HYDIN: variants seen among roughly 807,000 people sequenced by gnomAD.
HYDIN encodes axonemal central pair apparatus protein HYDIN.
In HYDIN, 132 loss-of-function variants were observed where a neutral mutation model predicts 403.9. The observed-to-expected ratio is 0.33, with a 90% CI of 0.28 to 0.38. HYDIN has a LOEUF of 0.38. HYDIN is among the 10% of genes least tolerant of loss of function. HYDIN has a pLI of 1.00. For synonymous variants in HYDIN, 1,202 were observed against 1,891.7 expected, an observed-to-expected ratio of 0.64 and a Z score of 9.46; for missense variants, 2,827 against 5,009.5, an observed-to-expected ratio of 0.56 and a Z score of 13.15.
At chr16:71,019,537 C>T (rs1462867136) in intron 22 of HYDIN, among the ~76,000 whole-genome samples, 1 of 152,300 alleles carries the variant, frequency 6.6e-6, no homozygotes, top group Non-Finnish European at 1.5e-5. Context: ...TAAGTTAGGA[C>T]CCACCCTTGT....
At chr16:70,902,827 T>A (rs866323192) in intron 52 of HYDIN, among the ~76,000 whole-genome samples, 4,449 of 110,914 alleles carry the variant, frequency 0.04, 53 homozygotes, top group Non-Finnish European at 0.055. Flanking sequence ...ATATATTTTT[T>A]TTTTTTTTTT....
intron 39 of HYDIN, 34 bp from the exon 40 acceptor site, chr16:70,955,582 T>C: frequency 1.1e-6 from 1 of 921,802 alleles, no homozygotes; most frequent in Non-Finnish European, 1.7e-6. Flanking sequence ...AATTTCACGG[T>C]GCTCATTTGC....
intron 23 of HYDIN, among the ~76,000 whole-genome samples, chr16:70,993,154 G>T (rs1334614000): frequency 6.6e-6 from 1 of 152,120 alleles, no homozygotes; most frequent in African/African-American, 2.4e-5. Flanking sequence ...CATTTCATCT[G>T]CACTTCTTTT....
At chr16:71,047,962 ATC>A (rs1164599686) in intron 18 of HYDIN, among the ~76,000 whole-genome samples, 1 of 151,074 alleles carries the variant, frequency 6.6e-6, no homozygotes, top group Non-Finnish European at 1.5e-5. Context: ...GTAATTTTGT[ATC>A]TGTTAACCAA....
chr16:70,831,527 AC>A (rs144160750), intron 80 of HYDIN, among the ~76,000 whole-genome samples: 8 of 137,278 alleles, frequency 5.8e-5, no homozygotes, highest in Middle Eastern at 3.7e-3. Context: ...AAAAAAAAAA[AC>A]CAAAAAAAAA....
intron 71 of HYDIN, among the ~76,000 whole-genome samples, chr16:70,859,022 T>C (rs910165621): frequency 5.5e-4 from 83 of 150,638 alleles, no homozygotes; most frequent in Admixed American, 2.8e-3. Context: ...GGAATTTTGG[T>C]CAGGCGCAGT....
At chr16:71,210,346 A>T (rs2088517793) in intron 1 of HYDIN, among the ~76,000 whole-genome samples, 1 of 152,242 alleles carries the variant, frequency 6.6e-6, no homozygotes. Context: ...GAATGAGATC[A>T]TGTCCTTTGC....
At chr16:71,064,054 T>C (rs529994165) in intron 16 of HYDIN, among the ~76,000 whole-genome samples, 1 of 129,310 alleles carries the variant, frequency 7.7e-6, no homozygotes, top group African/African-American at 2.6e-5. Context: ...TGCATATATT[T>C]TAGTTAGAAT....
chr16:71,027,707 G>C lies in HYDIN; in HGVS notation c.2937C>G (p.Pro979=). Residue 979 remains proline, a synonymous_variant, in exon 20 of 86, where the codon CCC becomes CCG. Coordinates refer to ENST00000393567, the MANE Select transcript of HYDIN (RefSeq NM_001270974.2). ...VQPQPSGSQE[P]RDPQSPVFHL... The stretch of plus-strand genomic sequence containing the variant: ...GAAACACGGGGCTCTGTGGATCCCT[G>C]GGCTCCTGAGAGCCACTGGGCTGGG... 1 of 1,570,936 alleles carries C rather than the reference G, an allele frequency of 6.4e-7. No homozygotes were observed. Among genetic ancestry groups the C allele is most frequent in the Non-Finnish European group, 8.7e-7 (1 of 1,151,748 alleles).
At position 70,860,164 on chromosome 16, in the gene HYDIN, G is replaced by T; in HGVS notation, c.12033C>A (p.Phe4011Leu). 1.2e-6 allele frequency: 2 copies of T among 1,614,094 alleles called. No individual in the cohort carries two copies. The highest frequency in any genetic ancestry group is 4.5e-5 in the East Asian group (2 of 44,886). ...TTTCAATTTCTTCAGAGATCCAGCA[G>T]AAGGAGTAGGTGCTATTGGTTGGGT... ...ILNPTNSTYS[F>L]CWISEEIESL... Residue 4011 changes from phenylalanine to leucine, a missense_variant, in exon 71 of 86, where the codon TTC (phenylalanine) becomes TTA (leucine). By Grantham distance (22) the Phe-to-Leu change is conservative (BLOSUM62 0). Coordinates refer to ENST00000393567, the MANE Select transcript of HYDIN (RefSeq NM_001270974.2).
intron 1 of HYDIN, among the ~76,000 whole-genome samples, chr16:71,209,065 T>C (rs759670020): frequency 6.6e-6 from 1 of 151,856 alleles, no homozygotes; most frequent in Non-Finnish European, 1.5e-5. Context: ...ATCATCCTGA[T>C]ACCAAAACAT....
At chr16:70,810,783 T>C (rs1191889928) in intron 84 of HYDIN, among the ~76,000 whole-genome samples, 1 of 151,928 alleles carries the variant, frequency 6.6e-6, no homozygotes, top group East Asian at 1.9e-4. Context: ...TGAGCCAAGA[T>C]CGTGTCACTC....
intron 18 of HYDIN, among the ~76,000 whole-genome samples, chr16:71,059,514 T>C (rs2082012224): frequency 6.6e-6 from 1 of 152,008 alleles, no homozygotes; most frequent in South Asian, 2.1e-4. Context: ...AATGAAATCA[T>C]GTCCTTTGCA....
chr16:70,980,829 C>T (rs962066004), intron 29 of HYDIN, among the ~76,000 whole-genome samples: 3 of 152,098 alleles, frequency 2.0e-5, no homozygotes, highest in Non-Finnish European at 4.4e-5. Context: ...AGCTGAGGTT[C>T]GGAATCTGCC....
At chr16:71,055,988 C>G (rs916965515) in intron 18 of HYDIN, among the ~76,000 whole-genome samples, 3 of 152,128 alleles carry the variant, frequency 2.0e-5, no homozygotes, top group Non-Finnish European at 4.4e-5. Context: ...TGGGGCACTG[C>G]TGCATCCTCA....
intron 1 of HYDIN, among the ~76,000 whole-genome samples, chr16:71,210,003 G>A (rs74372207): frequency 0.016 from 2,495 of 152,144 alleles, 143 homozygotes; most frequent in East Asian, 0.16. Flanking sequence ...TCATACTAGC[G>A]GTAATTAATA....
At position 70,807,461 on chromosome 16, in the gene HYDIN, C is replaced by A; in HGVS notation, c.*119G>T. On this transcript the variant is annotated 3_prime_UTR_variant, in exon 86 of 86. Coordinates refer to ENST00000393567, the MANE Select transcript of HYDIN (RefSeq NM_001270974.2). ...AAACACATAATAGGGAAATAACTGCCCTATAATTGTATGAGAAGAATAAAA... is the reference window on the plus strand; with the variant it reads ...AAACACATAATAGGGAAATAACTGCACTATAATTGTATGAGAAGAATAAAA... 1 of 1,112,354 alleles carries A rather than the reference C, an allele frequency of 9.0e-7. No individual in the cohort carries two copies. The allele number at this position is 1,112,354 out of a possible 1,614,324, so 68.9% of individuals were successfully genotyped here.
At chr16:70,941,154 CT>C (rs2077658701) in intron 43 of HYDIN, among the ~76,000 whole-genome samples, 2 of 149,458 alleles carry the variant, frequency 1.3e-5, no homozygotes, top group South Asian at 4.4e-4. Context: ...TGGCACAAGA[CT>C]TTTGCTATCT....
intron 75 of HYDIN, among the ~76,000 whole-genome samples, chr16:70,849,037 G>GA (rs2038424288): frequency 6.6e-6 from 1 of 152,136 alleles, no homozygotes; most frequent in Admixed American, 6.6e-5. Flanking sequence ...ATGAGGGGGG[G>GA]TTCCACTGAA....
Sources: gnomAD v4.1 joint callset for allele counts (sites outside exome capture counted in the v4.1 genomes callset) on GRCh38, gnomAD v4.1.1 for gene constraint, MANE v1.5 for transcripts, NCBI Gene and HGNC (gene_info 2026-07-23, HGNC 2026-07-21) for gene names.